The following XRN1 variants were observed in gnomAD, a reference collection of about 807,000 sequenced individuals.
The protein encoded by XRN1 is 5'-3' exoribonuclease 1, also known as strand-exchange protein 1 homolog.
In XRN1, 67 loss-of-function variants were observed where a neutral mutation model predicts 222.3. The ratio of observed to expected loss-of-function variants is 0.30; its 90% CI spans 0.25 to 0.37. XRN1 has a LOEUF of 0.37. XRN1 is among the 10% of genes least tolerant of loss of function. The pLI is 1.00. For synonymous variants in XRN1, 643 were observed against 652.4 expected, an observed-to-expected ratio of 0.99 and a Z score of 0.22; for missense variants, 1,707 against 2,000.2, an observed-to-expected ratio of 0.85 and a Z score of 2.80.
intron 27 of XRN1, among the ~76,000 whole-genome samples, chr3:142,369,503 C>T (rs2066917405): frequency 2.0e-5 from 3 of 151,276 alleles, no homozygotes; most frequent in African/African-American, 7.3e-5. Context: ...TAAAAATTGG[C>T]TGGGCGAGGT....
chr3:142,375,007 G>C (rs2067099220), intron 25 of XRN1, among the ~76,000 whole-genome samples: 2 of 152,176 alleles, frequency 1.3e-5, no homozygotes, highest in African/African-American at 4.8e-5. Flanking sequence ...GAGGATTGCA[G>C]GGATGCATTT....
At position 142,442,888 on chromosome 3, in the gene XRN1, G is replaced by C. The variant is rs185641470; in HGVS notation, c.75+4982C>G. Among the ~76,000 whole-genome samples, 781 of 152,190 alleles carry C rather than the reference G, an allele frequency of 5.1e-3. 9 individuals carry two copies. Among genetic ancestry groups the C allele is most frequent in the African/African-American group, 0.018 (759 of 41,528 alleles). ...AGCTGGGACTACGGGCGCCCAACAC[G>C]ACGCCCGGCTAATTTTTTGTATTTT... On this transcript the variant is annotated intron_variant, in intron 1 of 40. Coordinates refer to ENST00000392981, the MANE Select transcript of XRN1 (RefSeq NM_001282857.2).
chr3:142,347,357 T>A lies in XRN1; in HGVS notation c.3769-15A>T. Reference sequence around the variant, plus strand: ...AGAACTGCACCCTGAAAATTAAAATTCTTATAAATTAAACAAAATCTTAAT... The same window carrying A: ...AGAACTGCACCCTGAAAATTAAAATACTTATAAATTAAACAAAATCTTAAT... On this transcript the variant is annotated splice_polypyrimidine_tract_variant and intron_variant, in intron 32 of 40. Coordinates refer to ENST00000392981, the MANE Select transcript of XRN1 (RefSeq NM_001282857.2). 6.7e-7 allele frequency: 1 copy of A among 1,492,908 alleles called. No individual in the cohort carries two copies. Among genetic ancestry groups the A allele is most frequent in the Non-Finnish European group, 9.0e-7 (1 of 1,108,408 alleles). The allele number at this position is 1,492,908 out of a possible 1,614,324, so 92.5% of individuals were successfully genotyped here.
At position 142,332,972 on chromosome 3, in the gene XRN1, C is replaced by T. The variant is rs760535063; in HGVS notation, c.4057G>A (p.Ala1353Thr). 30 of 1,612,776 alleles carry T rather than the reference C, an allele frequency of 1.9e-5. No homozygotes were observed. The highest frequency in any genetic ancestry group is 3.3e-5 in the Admixed American group (2 of 59,816). ...AGTTCCTACAAAATACGAACCATGG[C>T]AAATGACTGTGGTGACAAATGCTCT... ...SEEHLSPQSF[A>T]MKGTRMLKEI... The change falls in exon 35 of 41, where the codon GCC becomes ACC. Residue 1353 changes from alanine (A) to threonine (T), a missense_variant. By Grantham distance (58) the Ala-to-Thr change is moderately conservative (BLOSUM62 0). Coordinates refer to ENST00000392981, the MANE Select transcript of XRN1 (RefSeq NM_001282857.2).
intron 20 of XRN1, among the ~76,000 whole-genome samples, chr3:142,395,422 G>C (rs2067892536): frequency 6.6e-6 from 1 of 152,198 alleles, no homozygotes; most frequent in Non-Finnish European, 1.5e-5. Flanking sequence ...TCGAGTGAAC[G>C]AGTATACATT....
intron 21 of XRN1, among the ~76,000 whole-genome samples, chr3:142,384,140 C>G (rs924776807): frequency 1.3e-5 from 2 of 151,876 alleles, no homozygotes; most frequent in African/African-American, 4.8e-5. Context: ...GGTGTGCTGG[C>G]GGGCACCTGT....
chr3:142,400,176 C>T (rs1388198848), intron 19 of XRN1, among the ~76,000 whole-genome samples: 1 of 152,028 alleles, frequency 6.6e-6, no homozygotes, highest in East Asian at 1.9e-4. Context: ...ATAATGATAA[C>T]CACTTCTAGA....
At chr3:142,419,897 C>T (rs2108099577) in intron 10 of XRN1, among the ~76,000 whole-genome samples, 1 of 151,974 alleles carries the variant, frequency 6.6e-6, no homozygotes, top group African/African-American at 2.4e-5. Context: ...CAAGTTAACA[C>T]AAGACATTCT....
rs183106467 is a variant in XRN1, at chr3:142,326,114, G to A, written c.4404+3320C>T. Among the ~76,000 whole-genome samples, 33 of 150,968 alleles carry A rather than the reference G, an allele frequency of 2.2e-4. No homozygotes were observed. The East Asian group carries it at 3.9e-3, about 18-fold the overall frequency. On this transcript the variant is annotated intron_variant, in intron 37 of 40. Coordinates refer to ENST00000392981, the MANE Select transcript of XRN1 (RefSeq NM_001282857.2). ...TTTGTTCACTTTGCTCTGGATTGCC[G>A]TAGCTATTCAGGATCGTGTGCGGTT... is the stretch of plus-strand genomic sequence containing the variant.
chr3:142,322,519 C>T (rs899376328), intron 37 of XRN1, among the ~76,000 whole-genome samples: 2 of 151,590 alleles, frequency 1.3e-5, no homozygotes, highest in African/African-American at 2.4e-5. Context: ...AACCCTGTCT[C>T]TACTAAAAAT....
In XRN1 at chr3:142,310,243, T is replaced by C. The variant is rs1442418979; in HGVS notation, c.*1268A>G. 6.6e-6 allele frequency: 1 copy of C among 152,518 alleles called. No homozygotes were observed. Among genetic ancestry groups the C allele is most frequent in the Non-Finnish European group, 1.5e-5 (1 of 68,012 alleles). The allele number at this position is 152,518 out of a possible 1,614,324, so 9.4% of individuals were successfully genotyped here. ...AAATCAGATATAACAAGCTGCTCCA[T>C]ATAAAGATTGTGGTTCCTACTTTTA... On this transcript the variant is annotated 3_prime_UTR_variant, in exon 41 of 41. Coordinates refer to ENST00000392981, the MANE Select transcript of XRN1 (RefSeq NM_001282857.2).
intron 30 of XRN1, among the ~76,000 whole-genome samples, chr3:142,358,857 A>G (rs1052023868): frequency 4.6e-5 from 7 of 152,214 alleles, no homozygotes; most frequent in Non-Finnish European, 7.3e-5. Context: ...AGGTTAAAAA[A>G]GGGTAATTAA....
intron 37 of XRN1, among the ~76,000 whole-genome samples, chr3:142,319,907 TACACACACACAC>T (rs113013809): frequency 6.7e-6 from 1 of 148,814 alleles, no homozygotes; most frequent in African/African-American, 2.5e-5. Flanking sequence ...GGTGTGTGTA[TACACACACACAC>T]ACACACACAC....
intron 25 of XRN1, among the ~76,000 whole-genome samples, chr3:142,374,121 A>G (rs1195767114): frequency 6.6e-6 from 1 of 152,228 alleles, no homozygotes; most frequent in Non-Finnish European, 1.5e-5. Context: ...TCAGGAAGCT[A>G]CTGGAGTAAG....
intron 33 of XRN1, among the ~76,000 whole-genome samples, chr3:142,338,102 A>T (rs1293398088): frequency 6.6e-6 from 1 of 152,174 alleles, no homozygotes; most frequent in African/African-American, 2.4e-5. Context: ...TTTACTTGCT[A>T]GGCATGTGAC....
chr3:142,428,261 T>C (rs2069349205), intron 2 of XRN1, among the ~76,000 whole-genome samples: 1 of 151,726 alleles, frequency 6.6e-6, no homozygotes, highest in Non-Finnish European at 1.5e-5. Flanking sequence ...CCGGGTGTGG[T>C]GGTGCGGCCT....
chr3:142,433,977 A>G (rs1260058717), intron 1 of XRN1, among the ~76,000 whole-genome samples: 2 of 152,214 alleles, frequency 1.3e-5, no homozygotes, highest in African/African-American at 4.8e-5. Flanking sequence ...TATTGTATGT[A>G]CAAGCATAAC....
chr3:142,313,098 A>C (rs969433208), intron 39 of XRN1: 25 of 1,580,204 alleles, frequency 1.6e-5, no homozygotes, highest in Non-Finnish European at 2.1e-5. Context: ...TGTGAGAGAA[A>C]AGCTTGGGCA....
chr3:142,413,417 G>A (rs991327067), intron 14 of XRN1, among the ~76,000 whole-genome samples: 2 of 152,142 alleles, frequency 1.3e-5, no homozygotes, highest in Non-Finnish European at 2.9e-5. Flanking sequence ...AGGGAAGCCA[G>A]GATCAACAAC....
Sources: allele counts gnomAD v4.1 joint callset (sites outside exome capture counted in the v4.1 genomes callset), GRCh38; gene constraint gnomAD v4.1.1; transcripts MANE v1.5; gene names NCBI Gene and HGNC (gene_info 2026-07-23, HGNC 2026-07-21).